GPR146: variants seen among roughly 807,000 people sequenced by gnomAD.
GPR146 encodes G protein-coupled receptor 146, also known as G-protein coupled receptor 146.
For synonymous variants in GPR146, 203 were observed against 104.3 expected (o/e 1.95, Z -5.77); for missense variants, 381 against 213.9 (o/e 1.78, Z -4.87).
At chr7:1,057,266 C>T (rs563984292) in intron 1 of GPR146, among the ~76,000 whole-genome samples, 31 of 152,326 alleles carry the variant, frequency 2.0e-4, no homozygotes, top group Middle Eastern at 3.4e-3. Flanking sequence ...TGGTCCCCAA[C>T]CCCAGCCGCT....
At chr7:1,050,503 C>T (rs1563048044) in intron 1 of GPR146, among the ~76,000 whole-genome samples, 1 of 152,220 alleles carries the variant, frequency 6.6e-6, no homozygotes, top group African/African-American at 2.4e-5. Context: ...CTCAAGCTGC[C>T]CCAGCTTCTC....
intron 1 of GPR146, among the ~76,000 whole-genome samples, chr7:1,047,182 G>A (rs1782660632): frequency 6.6e-6 from 1 of 152,184 alleles, no homozygotes; most frequent in Non-Finnish European, 1.5e-5. Context: ...GGGAACTGGC[G>A]CCCATAGCTG....
intron 1 of GPR146, chr7:1,045,802 T>G (rs926556798): frequency 2.0e-5 from 3 of 152,280 alleles, no homozygotes; most frequent in Admixed American, 1.3e-4. Context: ...AATACTGTTG[T>G]GCCTTTTCAC....
In GPR146 at chr7:1,052,420, A is replaced by C. The variant is rs1783214586; in HGVS notation, c.-24-5072A>C. On this transcript the variant is annotated intron_variant, in intron 1 of 1. Coordinates refer to ENST00000444847, the MANE Select transcript of GPR146 (RefSeq NM_001303473.2). This position sits in a 1 kb window ranked among gnomAD's most constrained non-coding sequence, Gnocchi z 4.2. Reference sequence around the variant, plus strand: ...TGTGTGTGGGTGGCAGGTCTTGAGGAGTCGTGGGGGAGGGTTTCGGGGGGA... The same window carrying C: ...TGTGTGTGGGTGGCAGGTCTTGAGGCGTCGTGGGGGAGGGTTTCGGGGGGA... Among the ~76,000 whole-genome samples the C allele has an allele frequency of 6.7e-6, 1 of 150,132 alleles. No individual in the cohort carries two copies. The highest frequency in any genetic ancestry group is 6.6e-5 in the Admixed American group (1 of 15,148).
rs201640274 is a variant in GPR146, at chr7:1,058,470, C to A, written c.955C>A (p.Arg319=). The change falls in exon 2 of 2, where the codon CGG becomes AGG. Residue 319 remains arginine (R), a synonymous_variant. Transcript: ENST00000444847. ...RLMKKLPCGD[R]HCSPDHMGVQ... ...GATGAAAAAGCTGCCCTGCGGGGACCGGCACTGCTCCCCGGACCACATGGG... is the reference window on the plus strand; with the variant it reads ...GATGAAAAAGCTGCCCTGCGGGGACAGGCACTGCTCCCCGGACCACATGGG... 5.1e-6 allele frequency: 4 copies of A among 780,290 alleles called. No homozygotes were observed. The East Asian group carries it at 9.7e-5, about 19-fold the overall frequency. The allele number at this position is 780,290 out of a possible 1,614,324, so 48.3% of individuals were successfully genotyped here.
chr7:1,044,758 G>A (rs113575110), intron 1 of GPR146, 100 bp downstream of exon 1: 16,312 of 152,056 alleles, frequency 0.11, 1,160 homozygotes, highest in Middle Eastern at 0.2. Context: ...CCCACGGCGG[G>A]CGCTGCGCTT....
At chr7:1,053,810 G>A (rs764561698) in intron 1 of GPR146, among the ~76,000 whole-genome samples, 6 of 152,336 alleles carry the variant, frequency 3.9e-5, no homozygotes, top group Middle Eastern at 6.8e-3. Flanking sequence ...CTGGGCAACA[G>A]AGCGAGACTC....
In GPR146 at chr7:1,052,497, T is replaced by C. The variant is rs1463372286; in HGVS notation, c.-24-4995T>C. On this transcript the variant is annotated intron_variant, in intron 1 of 1. Coordinates refer to ENST00000444847, the MANE Select transcript of GPR146 (RefSeq NM_001303473.2). The surrounding 1 kb of genome is among the most constrained non-coding windows in gnomAD (Gnocchi z 4.2). Reference sequence around the variant, plus strand: ...GGCAGTGAAACCAGCAGTGTGACTTTGGAGGTGCTGGAGGAGCAGGGCCTG... The same window carrying C: ...GGCAGTGAAACCAGCAGTGTGACTTCGGAGGTGCTGGAGGAGCAGGGCCTG... Among the ~76,000 whole-genome samples the C allele has an allele frequency of 2.0e-5, 3 of 151,820 alleles. No individual in the cohort carries two copies. The highest frequency in any genetic ancestry group is 7.3e-5 in the African/African-American group (3 of 41,310).
rs2363285 is a variant in GPR146 at position 1,052,008 on chromosome 7, C to T, written c.-24-5484C>T. Among the ~76,000 whole-genome samples the T allele has an allele frequency of 0.59, 90,170 of 152,136 alleles. 27,268 individuals are homozygous for T. Among genetic ancestry groups the T allele is most frequent in the African/African-American group, 0.7 (28,888 of 41,516 alleles). On this transcript the variant is annotated intron_variant, in intron 1 of 1. Coordinates refer to ENST00000444847, the MANE Select transcript of GPR146 (RefSeq NM_001303473.2). The surrounding 1 kb of genome is among the most constrained non-coding windows in gnomAD (Gnocchi z 4.2). Reference sequence around the variant, plus strand: ...AGAAAAATAAAAACAGAAGGAGGAACAGATGAATCCCATTTGTGACATTAA... The same window carrying T: ...AGAAAAATAAAAACAGAAGGAGGAATAGATGAATCCCATTTGTGACATTAA...
In GPR146 at chr7:1,058,631, G is replaced by T; in HGVS notation, c.*114G>T. Reference sequence around the variant, plus strand: ...ACGAGCTGCTGGAAGAGAAGCAGGAGGGGTGTTTTTCTTGAAGTTTCCTTT... The same window carrying T: ...ACGAGCTGCTGGAAGAGAAGCAGGATGGGTGTTTTTCTTGAAGTTTCCTTT... On this transcript the variant is annotated 3_prime_UTR_variant, in exon 2 of 2. Coordinates refer to ENST00000444847, the MANE Select transcript of GPR146 (RefSeq NM_001303473.2). The T allele has an allele frequency of 1.6e-6, 1 of 618,006 alleles. No individual in the cohort carries two copies. 38.3% of individuals were successfully genotyped at this position (618,006 alleles called of 1,614,324 possible).
chr7:1,049,446 G>A (rs2128195007), intron 1 of GPR146, among the ~76,000 whole-genome samples: 1 of 152,364 alleles, frequency 6.6e-6, no homozygotes, highest in South Asian at 2.1e-4. Flanking sequence ...CAGCAAGGAT[G>A]TCACCTGCCT....
At chr7:1,056,536 AC>A in intron 1 of GPR146, 1 of 152,442 alleles carries the variant, frequency 6.6e-6, no homozygotes, top group Non-Finnish European at 1.5e-5. Flanking sequence ...TGTGGGGCGC[AC>A]ACTGCTATTG....
intron 1 of GPR146, among the ~76,000 whole-genome samples, chr7:1,048,301 C>T (rs1782772192): frequency 6.6e-6 from 1 of 152,108 alleles, no homozygotes; most frequent in South Asian, 2.1e-4. Flanking sequence ...AAGAACTTCC[C>T]GACTAACAGG....
At chr7:1,056,963 G>A (rs941110260) in intron 1 of GPR146, 12 of 158,772 alleles carry the variant, frequency 7.6e-5, no homozygotes, top group Admixed American at 6.4e-4. Flanking sequence ...CATGTCCCCA[G>A]AGCCTCCTGT....
At position 1,052,438 on chromosome 7, in the gene GPR146, C is replaced by T. The variant is rs11764937; in HGVS notation, c.-24-5054C>T. On this transcript the variant is annotated intron_variant, in intron 1 of 1. Transcript: ENST00000444847. This position sits in a 1 kb window ranked among gnomAD's most constrained non-coding sequence, Gnocchi z 4.2. Reference sequence around the variant, plus strand: ...CTTGAGGAGTCGTGGGGGAGGGTTTCGGGGGGAGATGCTGGTGGTAACAGT... The same window carrying T: ...CTTGAGGAGTCGTGGGGGAGGGTTTTGGGGGGAGATGCTGGTGGTAACAGT... Among the ~76,000 whole-genome samples the T allele has an allele frequency of 0.12, 18,093 of 151,542 alleles. 1,319 individuals carry two copies. Among genetic ancestry groups the T allele is most frequent in the Middle Eastern group, 0.21 (63 of 294 alleles).
At chr7:1,051,979 A>G (rs1783154399) in intron 1 of GPR146, among the ~76,000 whole-genome samples, 1 of 152,246 alleles carries the variant, frequency 6.6e-6, no homozygotes, top group South Asian at 2.1e-4. Context: ...TCCTGGCTCC[A>G]AACAGAAAAA....
In GPR146 at chr7:1,057,620, G is replaced by C. The variant is rs751651921; in HGVS notation, c.105G>C (p.Val35=). ...GLSLLSLLGL[V]VGVPVGLCYN... Reference sequence around the variant, plus strand: ...CACTGTTGTCGCTGCTGGGCCTGGTGGTGGGCGTGCCAGTGGGCCTGTGCT... The same window carrying C: ...CACTGTTGTCGCTGCTGGGCCTGGTCGTGGGCGTGCCAGTGGGCCTGTGCT... The change falls in exon 2 of 2, where the codon GTG becomes GTC. Residue 35 remains valine, a synonymous_variant. Transcript: ENST00000444847. The C allele has an allele frequency of 2.6e-6, 2 of 769,642 alleles. No homozygotes were observed. Among genetic ancestry groups the C allele is most frequent in the South Asian group, 2.7e-5 (2 of 73,422 alleles). The allele number at this position is 769,642 out of a possible 1,614,324, so 47.7% of individuals were successfully genotyped here.
intron 1 of GPR146, chr7:1,045,534 G>A (rs1782495344): frequency 6.6e-6 from 1 of 152,244 alleles, no homozygotes; most frequent in Admixed American, 6.5e-5. Context: ...GAGTAAAATG[G>A]TTCTGACCAT....
chr7:1,053,480 C>T (rs566319723), intron 1 of GPR146, among the ~76,000 whole-genome samples: 1 of 152,370 alleles, frequency 6.6e-6, no homozygotes, highest in East Asian at 1.9e-4. Context: ...CATGACTCGC[C>T]AGGCCCTGGC....
Sources: allele counts gnomAD v4.1 joint callset (sites outside exome capture counted in the v4.1 genomes callset), GRCh38; gene constraint gnomAD v4.1.1; non-coding constraint Gnocchi (gnomAD v3.1); transcripts MANE v1.5; gene names NCBI Gene and HGNC (gene_info 2026-07-23, HGNC 2026-07-21).